The following GIGYF2 variants were observed in gnomAD, a reference collection of about 807,000 sequenced individuals.
The protein encoded by GIGYF2 is GRB10-interacting GYF protein 2.
In GIGYF2, 25 loss-of-function variants were observed where a neutral mutation model predicts 208.1. The ratio of observed to expected loss-of-function variants is 0.12; its 90% confidence interval spans 0.09 to 0.17. The LOEUF (loss-of-function observed/expected upper bound fraction) is 0.17, where lower values mean the gene tolerates loss of function less well. Ranked by LOEUF, GIGYF2 falls within the 10% of genes least tolerant of loss-of-function variation. GIGYF2 has a pLI of 1.00. For missense variants in GIGYF2, 1,302 were observed against 1,579.4 expected, an observed-to-expected ratio of 0.82 and a Z score of 2.98; for synonymous variants, 534 against 543.8, an observed-to-expected ratio of 0.98 and a Z score of 0.25.
chr2:232,784,605 C>CTCT (rs1699851618), intron 8 of GIGYF2, among the ~76,000 whole-genome samples: 1 of 137,066 alleles, frequency 7.3e-6, no homozygotes, highest in Non-Finnish European at 1.6e-5. Flanking sequence ...TTAGCTTGAT[C>CTCT]TGACCTCGTG....
At chr2:232,804,947 G>A (rs1470717233) in intron 14 of GIGYF2, among the ~76,000 whole-genome samples, 1 of 151,264 alleles carries the variant, frequency 6.6e-6, no homozygotes, top group Non-Finnish European at 1.5e-5. Context: ...GATTCTTGGT[G>A]GTCAAAGAAA....
chr2:232,803,682 T>TCCTTCACCAGTACTGTACAATCTTGA lies in GIGYF2; in HGVS notation c.1640-2809_1640-2808insCCTTCACCAGTACTGTACAATCTTGA, dbSNP rs1417159519. ...TGTTTCTATTTCTGCTTCTTTTTTT[T>TCCTTCACCAGTACTGTACAATCTTGA]TTTTTTTTTTTTTTTTGAGACGGAG... On this transcript the variant is annotated intron_variant, in intron 14 of 28. Coordinates refer to ENST00000373563, the MANE Select transcript of GIGYF2 (RefSeq NM_001103146.3). 5.7e-4 allele frequency among the ~76,000 whole-genome samples: 54 copies of TCCTTCACCAGTACTGTACAATCTTGA among 94,356 alleles called. 6 individuals carry two copies. Among genetic ancestry groups the TCCTTCACCAGTACTGTACAATCTTGA allele is most frequent in the Middle Eastern group, 6.2e-3 (1 of 162 alleles). The allele number at this position is 94,356 out of a possible 152,430, so 61.9% of individuals were successfully genotyped here.
chr2:232,836,303 T>C (rs898710324), intron 22 of GIGYF2, among the ~76,000 whole-genome samples: 221 of 17,748 alleles, frequency 0.012, 30 homozygotes, highest in African/African-American at 0.032. Context: ...TATATATATA[T>C]ATATATATAT....
intron 21 of GIGYF2, among the ~76,000 whole-genome samples, chr2:232,822,397 A>G (rs955370749): frequency 2.6e-5 from 4 of 152,196 alleles, no homozygotes; most frequent in African/African-American, 9.6e-5. Flanking sequence ...TTTATTTTCC[A>G]GCAGGCTGGG....
intron 1 of GIGYF2, among the ~76,000 whole-genome samples, chr2:232,701,843 G>T (rs1695860286): frequency 4.6e-5 from 7 of 152,046 alleles, no homozygotes; most frequent in Admixed American, 4.6e-4. Context: ...TTTTTTAAGG[G>T]CAGGAGGAAA....
chr2:232,742,942 G>A (rs1248563125), intron 3 of GIGYF2, among the ~76,000 whole-genome samples: 1 of 152,150 alleles, frequency 6.6e-6, no homozygotes, highest in Non-Finnish European at 1.5e-5. Flanking sequence ...CTATAGGAGA[G>A]GTCACAGCTG....
chr2:232,752,114 AT>A (rs1698356699), intron 5 of GIGYF2, among the ~76,000 whole-genome samples: 1 of 152,232 alleles, frequency 6.6e-6, no homozygotes, highest in Non-Finnish European at 1.5e-5. Context: ...AAAATGCACC[AT>A]TTGGGATTTC....
intron 3 of GIGYF2, among the ~76,000 whole-genome samples, chr2:232,737,771 T>G (rs1044778460): frequency 6.6e-6 from 1 of 151,834 alleles, no homozygotes; most frequent in Non-Finnish European, 1.5e-5. Flanking sequence ...TCATCATTTT[T>G]GTGAATAATG....
intron 22 of GIGYF2, among the ~76,000 whole-genome samples, chr2:232,836,292 A>ACACT (rs1429506038): frequency 2.0e-4 from 2 of 9,872 alleles, no homozygotes; most frequent in African/African-American, 3.0e-4. Flanking sequence ...ATATATATAT[A>ACACT]TATATATATA....
chr2:232,771,587 T>C (rs2106340179), intron 8 of GIGYF2, among the ~76,000 whole-genome samples: 1 of 152,346 alleles, frequency 6.6e-6, no homozygotes, highest in East Asian at 1.9e-4. Flanking sequence ...ATCTCTTCTA[T>C]TGTTTCTTTG....
intron 13 of GIGYF2, among the ~76,000 whole-genome samples, chr2:232,795,285 A>G (rs1374702039): frequency 1.3e-5 from 2 of 152,222 alleles, no homozygotes; most frequent in African/African-American, 4.8e-5. Flanking sequence ...TGCTTCAAGT[A>G]TAACAGGGAA....
chr2:232,847,863 C>G (rs1053165481), intron 27 of GIGYF2, among the ~76,000 whole-genome samples: 1 of 152,170 alleles, frequency 6.6e-6, no homozygotes, highest in East Asian at 1.9e-4. Context: ...ACCCATAGAT[C>G]TGGTTTTGAA....
At chr2:232,851,041 G>A (rs1013075702) in intron 28 of GIGYF2, among the ~76,000 whole-genome samples, 1 of 152,098 alleles carries the variant, frequency 6.6e-6, no homozygotes. Flanking sequence ...CTAGCATTAT[G>A]GACCATGCAA....
intron 23 of GIGYF2, among the ~76,000 whole-genome samples, chr2:232,843,530 T>G (rs1187651899): frequency 6.9e-6 from 1 of 144,168 alleles, no homozygotes; most frequent in Non-Finnish European, 1.5e-5. Context: ...GCCATTGCAC[T>G]CCAGTCTGGG....
intron 22 of GIGYF2, among the ~76,000 whole-genome samples, chr2:232,834,405 T>C (rs1701517619): frequency 1.3e-5 from 2 of 152,092 alleles, no homozygotes; most frequent in African/African-American, 4.8e-5. Context: ...AAACCCATGC[T>C]CTCTAAAATG....
At chr2:232,777,209 A>G (rs1373628729) in intron 8 of GIGYF2, among the ~76,000 whole-genome samples, 4 of 152,204 alleles carry the variant, frequency 2.6e-5, no homozygotes, top group Non-Finnish European at 4.4e-5. Flanking sequence ...CCTGTGGGAA[A>G]GAACCGAAGA....
chr2:232,810,415 A>G (rs1314451153), intron 16 of GIGYF2: 1 of 153,950 alleles, frequency 6.5e-6, no homozygotes, highest in African/African-American at 2.4e-5. Flanking sequence ...ATATATATGT[A>G]TATAAGCGAG....
intron 9 of GIGYF2, chr2:232,788,646 T>A: frequency 2.2e-6 from 1 of 462,526 alleles, no homozygotes; most frequent in South Asian, 1.6e-5. Context: ...TGATGTTGAT[T>A]CTATTAAAGG....
chr2:232,777,664 A>G (rs1440638986), intron 8 of GIGYF2, among the ~76,000 whole-genome samples: 1 of 76,920 alleles, frequency 1.3e-5, no homozygotes, highest in Admixed American at 2.0e-4. Flanking sequence ...TCTTTGTTTT[A>G]TTAGTACCAA....
Sources: allele counts gnomAD v4.1 joint callset (sites outside exome capture counted in the v4.1 genomes callset), GRCh38; gene constraint gnomAD v4.1.1; transcripts MANE v1.5; gene names NCBI Gene and HGNC (gene_info 2026-07-23, HGNC 2026-07-21).